The following THADA variants were observed in gnomAD, a reference collection of about 807,000 sequenced individuals.
THADA encodes THADA armadillo repeat containing, also known as tRNA (32-2'-O)-methyltransferase regulator THADA.
In THADA, 213 loss-of-function variants were observed where a neutral mutation model predicts 219.8. That is an observed-to-expected ratio of 0.97 (90% CI 0.87 to 1.09). THADA has a LOEUF of 1.09. THADA is among the 50% of genes least tolerant of loss of function. The pLI, the probability that THADA is intolerant of heterozygous loss-of-function variation, is 0.00. For synonymous variants in THADA, 1,018 were observed against 828.9 expected, an observed-to-expected ratio of 1.23 and a Z score of -3.92; for missense variants, 2,956 against 2,311.3, an observed-to-expected ratio of 1.28 and a Z score of -5.72.
At chr2:43,539,214 C>T (rs1694988285) in intron 21 of THADA, among the ~76,000 whole-genome samples, 2 of 152,216 alleles carry the variant, frequency 1.3e-5, no homozygotes. Flanking sequence ...AGGCTTGACT[C>T]TTAAACTCAT....
chr2:43,590,899 T>G lies in THADA; in HGVS notation c.227A>C (p.Gln76Pro). The G allele has an allele frequency of 6.2e-7, 1 of 1,613,816 alleles. No individual in the cohort carries two copies. The highest frequency in any genetic ancestry group is 8.5e-7 in the Non-Finnish European group (1 of 1,179,784). The change falls in exon 4 of 38, where the codon CAA (glutamine) becomes CCA (proline). Residue 76 changes from glutamine to proline, a missense_variant. Physicochemically the swap from Gln to Pro is moderately conservative, Grantham distance 76. Transcript: ENST00000405975. Reference protein sequence around the residue: ...DKNGMCDPTIQSCLDILAGIY... With the variant: ...DKNGMCDPTIPSCLDILAGIY... Reference sequence around the variant, plus strand: ...GCCTGCTAAGATATCCAAACAACTTTGAATAGTGGGATCACACATGCCATT... The same window carrying G: ...GCCTGCTAAGATATCCAAACAACTTGGAATAGTGGGATCACACATGCCATT...
At chr2:43,531,494 A>T (rs548270160) in intron 21 of THADA, among the ~76,000 whole-genome samples, 32 of 152,346 alleles carry the variant, frequency 2.1e-4, no homozygotes, top group Admixed American at 3.9e-4. Context: ...GAAGAATCCG[A>T]TTACAAATGA....
At chr2:43,308,597 G>A (rs547545814) in intron 31 of THADA, among the ~76,000 whole-genome samples, 1 of 151,908 alleles carries the variant, frequency 6.6e-6, no homozygotes, top group South Asian at 2.1e-4. Context: ...AGTTACTCGG[G>A]AGGCTGGGGT....
At chr2:43,546,718 G>A (rs1344192997) in intron 20 of THADA, among the ~76,000 whole-genome samples, 3 of 151,878 alleles carry the variant, frequency 2.0e-5, no homozygotes, top group African/African-American at 7.3e-5. Flanking sequence ...GTTTCCATTT[G>A]CTTGGTAGAT....
chr2:43,474,732 AT>A (rs1401052137), intron 26 of THADA, among the ~76,000 whole-genome samples: 2 of 152,240 alleles, frequency 1.3e-5, no homozygotes, highest in Non-Finnish European at 2.9e-5. Context: ...AACTTCAGGT[AT>A]TCAGAATTTG....
intron 10 of THADA, among the ~76,000 whole-genome samples, chr2:43,576,465 AC>A (rs1364511489): frequency 6.6e-6 from 1 of 152,178 alleles, no homozygotes; most frequent in East Asian, 1.9e-4. Flanking sequence ...TGCCCATTCA[AC>A]AAATTAGATT....
At chr2:43,540,566 G>A (rs1194571928) in intron 21 of THADA, among the ~76,000 whole-genome samples, 1 of 152,148 alleles carries the variant, frequency 6.6e-6, no homozygotes, top group Non-Finnish European at 1.5e-5. Context: ...CATATGGAAA[G>A]GAAGAGGGAA....
At chr2:43,535,001 T>C (rs1033275421) in intron 21 of THADA, among the ~76,000 whole-genome samples, 1 of 152,036 alleles carries the variant, frequency 6.6e-6, no homozygotes, top group African/African-American at 2.4e-5. Flanking sequence ...ATTCCTGCCA[T>C]CATTTGTTAT....
chr2:43,498,065 A>C (rs1308169519), intron 25 of THADA, among the ~76,000 whole-genome samples: 1 of 152,208 alleles, frequency 6.6e-6, no homozygotes, highest in Admixed American at 6.5e-5. Context: ...CAATATACAC[A>C]CACAGCCCCC....
At chr2:43,274,877 T>C (rs949828383) in intron 36 of THADA, among the ~76,000 whole-genome samples, 2 of 152,126 alleles carry the variant, frequency 1.3e-5, no homozygotes, top group South Asian at 4.1e-4. Flanking sequence ...TCATCCTTCT[T>C]GAACCAAAAC....
At chr2:43,364,093 G>GTGCAC (rs752224025) in intron 29 of THADA, among the ~76,000 whole-genome samples, 80 of 152,080 alleles carry the variant, frequency 5.3e-4, no homozygotes, top group Non-Finnish European at 1.0e-3. Context: ...GTGTGACGGT[G>GTGCAC]TGCACCTTTA....
intron 22 of THADA, among the ~76,000 whole-genome samples, chr2:43,512,488 T>C (rs1335594252): frequency 6.6e-6 from 1 of 152,202 alleles, no homozygotes; most frequent in Admixed American, 6.5e-5. Flanking sequence ...TACAAGTTTT[T>C]TGTTTGTTTG....
chr2:43,280,661 C>T (rs1318332917), intron 35 of THADA, among the ~76,000 whole-genome samples: 8 of 151,822 alleles, frequency 5.3e-5, no homozygotes, highest in African/African-American at 9.7e-5. Context: ...AAAAACAAAA[C>T]AACAACAACA....
intron 15 of THADA, among the ~76,000 whole-genome samples, chr2:43,561,340 AG>A (rs1698045157): frequency 6.6e-6 from 1 of 152,216 alleles, no homozygotes; most frequent in Admixed American, 6.5e-5. Flanking sequence ...ATAATATGCA[AG>A]AAATTAAGAA....
intron 29 of THADA, among the ~76,000 whole-genome samples, chr2:43,382,103 A>G (rs2104659186): frequency 6.6e-6 from 1 of 152,336 alleles, no homozygotes; most frequent in African/African-American, 2.4e-5. Flanking sequence ...GAAAAAAAGC[A>G]GGAGAAACTG....
intron 28 of THADA, among the ~76,000 whole-genome samples, chr2:43,427,145 G>C (rs954523664): frequency 2.0e-5 from 3 of 152,122 alleles, no homozygotes; most frequent in Non-Finnish European, 2.9e-5. Context: ...ATGCCACATG[G>C]CATTACCATT....
chr2:43,340,532 T>C (rs920736641), intron 30 of THADA, among the ~76,000 whole-genome samples: 1 of 152,186 alleles, frequency 6.6e-6, no homozygotes, highest in Non-Finnish European at 1.5e-5. Context: ...CACTAGCATT[T>C]TTGTACTTAT....
intron 27 of THADA, among the ~76,000 whole-genome samples, chr2:43,429,512 G>C (rs1678956309): frequency 6.6e-6 from 1 of 152,044 alleles, no homozygotes; most frequent in Non-Finnish European, 1.5e-5. Context: ...AGGTAGACAA[G>C]AACCATTTCT....
At chr2:43,581,012 T>G (rs146840011) in intron 8 of THADA, among the ~76,000 whole-genome samples, 16 of 152,280 alleles carry the variant, frequency 1.1e-4, no homozygotes, top group African/African-American at 3.9e-4. Context: ...TGTTTTTAAT[T>G]AAGTTACATT....
Sources: allele counts gnomAD v4.1 joint callset (sites outside exome capture counted in the v4.1 genomes callset), GRCh38; gene constraint gnomAD v4.1.1; transcripts MANE v1.5; gene names NCBI Gene and HGNC (gene_info 2026-07-23, HGNC 2026-07-21).